NBEA: variants seen among roughly 807,000 people sequenced by gnomAD.
NBEA encodes the protein neurobeachin.
In NBEA, 44 loss-of-function variants were observed where a neutral mutation model predicts 343.4. The observed-to-expected ratio is 0.13, with a 90% CI of 0.10 to 0.16. The LOEUF (loss-of-function observed/expected upper bound fraction) is 0.16. Among genes scored for constraint, NBEA ranks in the 10% least tolerant of loss-of-function variants. The pLI, the probability that NBEA is intolerant of heterozygous loss-of-function variation, is 1.00. For synonymous variants in NBEA, 1,175 were observed against 1,238.7 expected, an observed-to-expected ratio of 0.95 and a Z score of 1.08; for missense variants, 2,555 against 3,631.3, an observed-to-expected ratio of 0.70 and a Z score of 7.62.
At chr13:35,610,888 G>A (rs776840825) in intron 48 of NBEA, among the ~76,000 whole-genome samples, 1 of 151,368 alleles carries the variant, frequency 6.6e-6, no homozygotes, top group Non-Finnish European at 1.5e-5. Context: ...TTAAAGGAGG[G>A]GCAAAAGAAT....
At chr13:35,023,052 A>C (rs1363004610) in intron 1 of NBEA, among the ~76,000 whole-genome samples, 1 of 152,170 alleles carries the variant, frequency 6.6e-6, no homozygotes, top group Non-Finnish European at 1.5e-5. Context: ...CAGTATACTA[A>C]AGGAAGGAAA....
At chr13:35,587,369 A>T (rs911608231) in intron 46 of NBEA, among the ~76,000 whole-genome samples, 22 of 152,112 alleles carry the variant, frequency 1.4e-4, no homozygotes, top group African/African-American at 4.6e-4. Flanking sequence ...TAGCAAAGGA[A>T]ATTTTTGGAA....
At chr13:35,168,921 T>G in intron 24 of NBEA, 66 bp from the exon 25 acceptor site, 1 of 1,116,354 alleles carries the variant, frequency 9.0e-7, no homozygotes, top group Non-Finnish European at 1.2e-6. Flanking sequence ...TATTTTCATT[T>G]AATTTAATAA....
At chr13:35,262,276 T>A (rs2033277258) in intron 34 of NBEA, among the ~76,000 whole-genome samples, 1 of 152,230 alleles carries the variant, frequency 6.6e-6, no homozygotes, top group East Asian at 1.9e-4. Context: ...TGGAAGTTTC[T>A]TATTTAGTTA....
intron 35 of NBEA, among the ~76,000 whole-genome samples, chr13:35,309,254 T>C (rs554464957): frequency 1.3e-5 from 2 of 152,182 alleles, no homozygotes; most frequent in South Asian, 4.1e-4. Flanking sequence ...GAAAGAAGCT[T>C]TGTGCTCAGA....
At chr13:35,650,866 A>T (rs1593472117) in intron 52 of NBEA, among the ~76,000 whole-genome samples, 1 of 152,310 alleles carries the variant, frequency 6.6e-6, no homozygotes, top group East Asian at 1.9e-4. Context: ...GCCATGCCGA[A>T]GTAACCTGAA....
chr13:35,217,645 G>A (rs2074137811), intron 33 of NBEA, among the ~76,000 whole-genome samples: 1 of 152,038 alleles, frequency 6.6e-6, no homozygotes, highest in South Asian at 2.1e-4. Flanking sequence ...CATGAGGCAT[G>A]TTTTTAAGAC....
intron 35 of NBEA, among the ~76,000 whole-genome samples, chr13:35,306,659 G>A (rs2036913551): frequency 6.6e-6 from 1 of 151,922 alleles, no homozygotes; most frequent in Non-Finnish European, 1.5e-5. Flanking sequence ...AGGATCATAG[G>A]TAGTGACTTT....
chr13:35,232,353 C>G (rs2075023018), intron 33 of NBEA, 139 bp from the exon 34 acceptor site: 1 of 616,330 alleles, frequency 1.6e-6, no homozygotes, highest in African/African-American at 1.9e-5. Context: ...CAGGGTATCC[C>G]TTATACATGA....
chr13:34,947,762 G>A (rs1324766589), intron 1 of NBEA, among the ~76,000 whole-genome samples: 1 of 152,098 alleles, frequency 6.6e-6, no homozygotes, highest in African/African-American at 2.4e-5. Context: ...TAATGATTAT[G>A]GTCAGTTTCT....
At chr13:35,191,863 A>G (rs757723765) in intron 30 of NBEA, among the ~76,000 whole-genome samples, 1 of 152,122 alleles carries the variant, frequency 6.6e-6, no homozygotes, top group African/African-American at 2.4e-5. Flanking sequence ...TTCTTCATAA[A>G]TCATGGTAAA....
chr13:35,068,364 T>A (rs2063733253), intron 8 of NBEA, among the ~76,000 whole-genome samples: 1 of 152,154 alleles, frequency 6.6e-6, no homozygotes. Flanking sequence ...AATTCCAGTG[T>A]AAGCAGTATG....
chr13:35,641,718 A>T (rs1267893612), intron 49 of NBEA, among the ~76,000 whole-genome samples: 10 of 152,106 alleles, frequency 6.6e-5, no homozygotes, highest in African/African-American at 1.9e-4. Context: ...GGTTACCAGT[A>T]TCTATGTATT....
intron 1 of NBEA, among the ~76,000 whole-genome samples, chr13:35,023,448 G>T (rs565120396): frequency 6.6e-6 from 1 of 151,990 alleles, no homozygotes; most frequent in Non-Finnish European, 1.5e-5. Flanking sequence ...TCCTGTATAA[G>T]TTATATTAAA....
intron 1 of NBEA, among the ~76,000 whole-genome samples, chr13:34,999,434 A>C (rs1163615523): frequency 6.6e-6 from 1 of 152,082 alleles, no homozygotes; most frequent in African/African-American, 2.4e-5. Context: ...TGTTCTCACA[A>C]GTCCTCTGTA....
chr13:35,048,343 C>G (rs1328446707), intron 4 of NBEA, among the ~76,000 whole-genome samples: 1 of 151,930 alleles, frequency 6.6e-6, no homozygotes, highest in African/African-American at 2.4e-5. Context: ...ATCTAATTCA[C>G]TGAGCATTTG....
chr13:35,329,292 C>T (rs920719962), intron 36 of NBEA, among the ~76,000 whole-genome samples: 2 of 151,886 alleles, frequency 1.3e-5, no homozygotes, highest in Admixed American at 6.6e-5. Context: ...CAGTATTTTA[C>T]AAGGTTAAAC....
intron 24 of NBEA, among the ~76,000 whole-genome samples, chr13:35,166,387 A>G (rs1159457396): frequency 3.3e-5 from 5 of 152,292 alleles, no homozygotes; most frequent in African/African-American, 1.2e-4. Context: ...TTGTACAGTA[A>G]AGATACTGAC....
At chr13:35,428,677 C>T (rs2044877558) in intron 38 of NBEA, among the ~76,000 whole-genome samples, 1 of 152,126 alleles carries the variant, frequency 6.6e-6, no homozygotes, top group Non-Finnish European at 1.5e-5. Flanking sequence ...TATTTTCAAT[C>T]ATGGCTCTTT....
Sources: gnomAD v4.1 joint callset for allele counts (sites outside exome capture counted in the v4.1 genomes callset) on GRCh38, gnomAD v4.1.1 for gene constraint, MANE v1.5 for transcripts, NCBI Gene and HGNC (gene_info 2026-07-23, HGNC 2026-07-21) for gene names.